Variants in UNC5D observed in about 807,000 individuals in gnomAD.
The protein encoded by UNC5D is netrin receptor UNC5D.
In UNC5D, 39 loss-of-function variants were observed where a neutral mutation model predicts 105.4. That is an observed-to-expected ratio of 0.37 (90% CI 0.29 to 0.48). UNC5D has a LOEUF of 0.48. Among genes scored for constraint, UNC5D ranks in the 20% least tolerant of loss-of-function variants. The pLI, the probability that UNC5D is intolerant of heterozygous loss-of-function variation, is 0.98. For missense variants in UNC5D, 991 were observed against 1,202.4 expected, an observed-to-expected ratio of 0.82 and a Z score of 2.60; for synonymous variants, 452 against 450.4, an observed-to-expected ratio of 1.00 and a Z score of -0.04.
At chr8:35,725,651 C>T (rs553993349) in intron 9 of UNC5D, among the ~76,000 whole-genome samples, 6 of 152,190 alleles carry the variant, frequency 3.9e-5, no homozygotes, top group East Asian at 1.9e-4. Flanking sequence ...CACAGAATTC[C>T]GTATGAAATG....
intron 6 of UNC5D, 73 bp from the exon 7 acceptor site, chr8:35,686,472 G>A: frequency 7.0e-7 from 1 of 1,435,406 alleles, no homozygotes; most frequent in Non-Finnish European, 9.2e-7. Context: ...TAGAACAACA[G>A]CAGTCCTGGG....
At chr8:35,525,615 G>A in intron 1 of UNC5D, 1 of 1,613,434 alleles carries the variant, frequency 6.2e-7, no homozygotes, top group Non-Finnish European at 8.5e-7. Flanking sequence ...TGCATGGTTG[G>A]GCTTTCCACT....
At chr8:35,405,671 T>C (rs1488839673) in intron 1 of UNC5D, among the ~76,000 whole-genome samples, 1 of 152,168 alleles carries the variant, frequency 6.6e-6, no homozygotes, top group Non-Finnish European at 1.5e-5. Context: ...TTTCTCGGAG[T>C]TGACATTCTC....
intron 2 of UNC5D, among the ~76,000 whole-genome samples, chr8:35,553,098 A>G (rs1196590276): frequency 6.6e-6 from 1 of 152,172 alleles, no homozygotes; most frequent in African/African-American, 2.4e-5. Flanking sequence ...TGAAAGATAG[A>G]AAGAATATTG....
chr8:35,661,525 G>A (rs538391692), intron 4 of UNC5D, among the ~76,000 whole-genome samples: 3 of 152,248 alleles, frequency 2.0e-5, no homozygotes, highest in South Asian at 4.2e-4. Context: ...GCAATGATTC[G>A]CTTTTCTTCC....
rs997141947 is a variant in UNC5D at position 35,793,971 on chromosome 8, A to G, written c.*3408A>G. 2.6e-5 allele frequency: 4 copies of G among 152,176 alleles called. No homozygotes were observed. The highest frequency in any genetic ancestry group is 4.8e-5 in the African/African-American group (2 of 41,454). 9.4% of individuals were successfully genotyped at this position (152,176 alleles called of 1,614,324 possible). On this transcript the variant is annotated 3_prime_UTR_variant, in exon 17 of 17. Coordinates refer to ENST00000404895, the MANE Select transcript of UNC5D (RefSeq NM_080872.4). ...GGATGTTAAGTCAAATCACTAAAACAGGGTTCTCTTTGGATTAAAAGTTCT... is the reference window on the plus strand; with the variant it reads ...GGATGTTAAGTCAAATCACTAAAACGGGGTTCTCTTTGGATTAAAAGTTCT...
intron 1 of UNC5D, among the ~76,000 whole-genome samples, chr8:35,444,810 C>T (rs1445646145): frequency 1.3e-5 from 2 of 151,924 alleles, no homozygotes; most frequent in Non-Finnish European, 1.5e-5. Context: ...TAATACAAAC[C>T]TCATAGGAAT....
At chr8:35,728,256 ATCC>A (rs1285680243) in intron 10 of UNC5D, among the ~76,000 whole-genome samples, 1 of 151,718 alleles carries the variant, frequency 6.6e-6, no homozygotes, top group African/African-American at 2.4e-5. Flanking sequence ...CTCTCTTTGC[ATCC>A]TCCTTTCTTA....
At chr8:35,430,895 A>G (rs1183029768) in intron 1 of UNC5D, among the ~76,000 whole-genome samples, 1 of 152,136 alleles carries the variant, frequency 6.6e-6, no homozygotes, top group Non-Finnish European at 1.5e-5. Context: ...CAAATACTAA[A>G]TCACACACAC....
chr8:35,675,042 T>C (rs1012989001), intron 4 of UNC5D, among the ~76,000 whole-genome samples: 1 of 152,196 alleles, frequency 6.6e-6, no homozygotes, highest in African/African-American at 2.4e-5. Context: ...TTTTTTACTA[T>C]AGTGTGAAAA....
rs1278017141 is a variant in UNC5D, at chr8:35,615,046, C to G, written c.570+19389C>G. 4.9e-5 allele frequency among the ~76,000 whole-genome samples: 6 copies of G among 123,482 alleles called. 1 individual carries two copies. Among genetic ancestry groups the G allele is most frequent in the Non-Finnish European group, 5.3e-5 (3 of 56,966 alleles). The allele number at this position is 123,482 out of a possible 152,430, so 81.0% of individuals were successfully genotyped here. On this transcript the variant is annotated intron_variant, in intron 4 of 16. Coordinates refer to ENST00000404895, the MANE Select transcript of UNC5D (RefSeq NM_080872.4). The stretch of plus-strand genomic sequence containing the variant: ...GCAACATAGTGAGGGGCCCCCCCCC[C>G]CCCGTCCCCCACCCCCCGATCTCCA...
At chr8:35,375,948 C>T (rs1268253740) in intron 1 of UNC5D, among the ~76,000 whole-genome samples, 1 of 152,092 alleles carries the variant, frequency 6.6e-6, no homozygotes, top group Non-Finnish European at 1.5e-5. Context: ...ACTCTCCCAC[C>T]TCCTGAATCT....
At chr8:35,664,596 C>G (rs1824311383) in intron 4 of UNC5D, among the ~76,000 whole-genome samples, 2 of 152,066 alleles carry the variant, frequency 1.3e-5, no homozygotes, top group Non-Finnish European at 2.9e-5. Context: ...CCAGGCTGGC[C>G]TTGAACTCCT....
chr8:35,630,631 T>C (rs1821980977), intron 4 of UNC5D, among the ~76,000 whole-genome samples: 1 of 152,188 alleles, frequency 6.6e-6, no homozygotes, highest in African/African-American at 2.4e-5. Flanking sequence ...TCCATGATTT[T>C]CTCAAGAATT....
At chr8:35,298,586 GTTTTT>G (rs35299004) in intron 1 of UNC5D, among the ~76,000 whole-genome samples, 3 of 110,570 alleles carry the variant, frequency 2.7e-5, no homozygotes, top group African/African-American at 6.8e-5. Flanking sequence ...ATTGTTGTAG[GTTTTT>G]TTTTTTTTTT....
At chr8:35,359,844 C>A (rs1232706211) in intron 1 of UNC5D, among the ~76,000 whole-genome samples, 1 of 152,114 alleles carries the variant, frequency 6.6e-6, no homozygotes, top group Admixed American at 6.6e-5. Flanking sequence ...ATTTGCCCTG[C>A]CTCCAGATCT....
intron 3 of UNC5D, among the ~76,000 whole-genome samples, chr8:35,578,608 C>A (rs2130830999): frequency 6.6e-6 from 1 of 152,256 alleles, no homozygotes; most frequent in Admixed American, 6.5e-5. Context: ...TTTGTGCCTG[C>A]CACATCTTTT....
At chr8:35,376,821 C>T (rs1802724145) in intron 1 of UNC5D, among the ~76,000 whole-genome samples, 1 of 152,210 alleles carries the variant, frequency 6.6e-6, no homozygotes, top group Admixed American at 6.5e-5. Context: ...CACACTTGTT[C>T]ATAGTGTTCA....
At position 35,268,143 on chromosome 8, in the gene UNC5D, A is replaced by G. The variant is rs1585453049; in HGVS notation, c.103+32256A>G. ...AAAACTTAGAAACATAATATTATAA[A>G]TGTACTTTAATGTTTTCCAAATAAC... On this transcript the variant is annotated intron_variant, in intron 1 of 16. Coordinates refer to ENST00000404895, the MANE Select transcript of UNC5D (RefSeq NM_080872.4). Among the ~76,000 whole-genome samples, 4 of 152,328 alleles carry G rather than the reference A, an allele frequency of 2.6e-5. No individual in the cohort carries two copies. The East Asian group carries it at 7.7e-4, about 29-fold the overall frequency.
Sources: gnomAD v4.1 joint callset for allele counts (sites outside exome capture counted in the v4.1 genomes callset) on GRCh38, gnomAD v4.1.1 for gene constraint, MANE v1.5 for transcripts, NCBI Gene and HGNC (gene_info 2026-07-23, HGNC 2026-07-21) for gene names.